Variants in PCDH11X observed in about 807,000 individuals in gnomAD.
PCDH11X encodes protocadherin-11 X-linked.
A neutral mutation model predicts 53.3 loss-of-function variants in PCDH11X; 18 were observed. That is an observed-to-expected ratio of 0.34 (90% CI 0.23 to 0.50). PCDH11X has a LOEUF of 0.50. Among genes scored for constraint, PCDH11X ranks in the 20% least tolerant of loss-of-function variants. The pLI, the probability that PCDH11X is intolerant of heterozygous loss-of-function variation, is 0.98. For missense variants in PCDH11X, 570 were observed against 1,032.4 expected (o/e 0.55, Z 6.14); for synonymous variants, 279 against 393.3 (o/e 0.71, Z 3.44).
chrX:92,113,260 A>G lies in PCDH11X; in HGVS notation c.3034-88115A>G, dbSNP rs751533221. The G allele has an allele frequency of 9.2e-6, 11 of 1,196,370 alleles. No individual in the cohort carries two copies. In the Admixed American group the frequency reaches 2.0e-4, roughly 22 times the overall value. The stretch of plus-strand genomic sequence containing the variant: ...CAGCCCCTCAGATGAGGTCAGCAAC[A>G]TTGGGGGCATTTCCTCAATGGAGGT... On this transcript the variant is annotated intron_variant, in intron 6 of 10. Coordinates refer to ENST00000682573, the MANE Select transcript of PCDH11X (RefSeq NM_032968.5).
At chrX:92,218,405 A>C (rs2066772234) in intron 7 of PCDH11X, among the ~76,000 whole-genome samples, 1 of 111,691 alleles carries the variant, frequency 9.0e-6, no homozygotes, top group Admixed American at 9.6e-5. Flanking sequence ...ACCATCAGAG[A>C]ATACTACAAA....
intron 10 of PCDH11X, among the ~76,000 whole-genome samples, chrX:92,520,337 A>G (rs111605418): frequency 0.14 from 14,505 of 105,806 alleles, 812 homozygotes; most frequent in Admixed American, 0.23. Context: ...ACCTTAGTTT[A>G]AAAATATTGC....
chrX:92,048,886 C>T (rs2063329724), intron 6 of PCDH11X, among the ~76,000 whole-genome samples: 1 of 112,254 alleles, frequency 8.9e-6, no homozygotes, highest in Admixed American at 9.5e-5. Flanking sequence ...CAATCAAATA[C>T]ATTTAAGAAA....
intron 5 of PCDH11X, among the ~76,000 whole-genome samples, chrX:91,846,453 T>C (rs896903924): frequency 9.1e-6 from 1 of 109,497 alleles, no homozygotes; most frequent in African/African-American, 3.3e-5. Context: ...AAGTCTCTAC[T>C]AAAAATACAA....
At chrX:92,189,766 GT>G (rs970223609) in intron 6 of PCDH11X, among the ~76,000 whole-genome samples, 10 of 111,736 alleles carry the variant, frequency 8.9e-5, no homozygotes, top group African/African-American at 3.3e-4. Flanking sequence ...TGTAACTGGC[GT>G]GACATGGTAT....
chrX:92,007,104 T>C (rs1220437913), intron 6 of PCDH11X, among the ~76,000 whole-genome samples: 1 of 110,877 alleles, frequency 9.0e-6, no homozygotes, highest in Non-Finnish European at 1.9e-5. Context: ...CTGTTACTAC[T>C]CCCTGGCTAC....
chrX:91,819,704 G>A (rs1332162884), intron 4 of PCDH11X, among the ~76,000 whole-genome samples: 1 of 100,155 alleles, frequency 1.0e-5, no homozygotes, highest in Admixed American at 1.1e-4. Flanking sequence ...AAGTTTTAGG[G>A]TACATGTGCA....
intron 10 of PCDH11X, among the ~76,000 whole-genome samples, chrX:92,616,823 G>A (rs1928021801): frequency 9.0e-6 from 1 of 110,620 alleles, no homozygotes; most frequent in Admixed American, 9.6e-5. Context: ...CGGATCAATT[G>A]TGGGACCACT....
chrX:92,415,415 G>T (rs778067791), intron 9 of PCDH11X, among the ~76,000 whole-genome samples: 1 of 111,735 alleles, frequency 8.9e-6, no homozygotes, highest in South Asian at 3.7e-4. Flanking sequence ...GACTAACAAA[G>T]AATGTAATTT....
intron 10 of PCDH11X, among the ~76,000 whole-genome samples, chrX:92,581,540 C>T (rs1218122825): frequency 2.7e-5 from 3 of 111,877 alleles, no homozygotes; most frequent in Non-Finnish European, 5.6e-5. Context: ...ATTGTGAGGC[C>T]TCCCCAGCCA....
intron 6 of PCDH11X, among the ~76,000 whole-genome samples, chrX:91,944,038 T>C (rs1171344862): frequency 2.4e-5 from 2 of 84,924 alleles, no homozygotes; most frequent in Non-Finnish European, 4.6e-5. Flanking sequence ...TGTGTGTGTG[T>C]GTGTGTGTGT....
intron 10 of PCDH11X, among the ~76,000 whole-genome samples, chrX:92,559,792 G>GTCAGAACTTGAGTTTCTCAGCA (rs1203377697): frequency 9.0e-6 from 1 of 110,919 alleles, no homozygotes; most frequent in African/African-American, 3.3e-5. Flanking sequence ...TGTTCTGGTG[G>GTCAGAACTTGAGTTTCTCAGCA]TCAGAACTTG....
chrX:92,010,288 G>T (rs954024532), intron 6 of PCDH11X, among the ~76,000 whole-genome samples: 2 of 109,284 alleles, frequency 1.8e-5, no homozygotes, highest in Non-Finnish European at 3.8e-5. Flanking sequence ...AAAATAGATA[G>T]CATCTAAGTT....
chrX:92,203,459 A>T (rs932706766), intron 7 of PCDH11X, among the ~76,000 whole-genome samples: 4 of 112,565 alleles, frequency 3.6e-5, no homozygotes, highest in Admixed American at 1.9e-4. Flanking sequence ...CCAACCCAGA[A>T]TTCTGTCCAA....
chrX:91,829,093 A>G (rs1467519953), intron 4 of PCDH11X, among the ~76,000 whole-genome samples: 2 of 110,814 alleles, frequency 1.8e-5, no homozygotes, highest in African/African-American at 3.3e-5. Flanking sequence ...TTGTGCAGAT[A>G]TTGCAATTAG....
intron 10 of PCDH11X, among the ~76,000 whole-genome samples, chrX:92,504,310 G>T (rs1437780954): frequency 7.6e-5 from 8 of 105,492 alleles, no homozygotes; most frequent in Non-Finnish European, 1.4e-4. Flanking sequence ...TCCCTTCTTT[G>T]TGTCCATGCA....
At chrX:92,081,160 T>C (rs748144340) in intron 6 of PCDH11X, among the ~76,000 whole-genome samples, 2 of 111,223 alleles carry the variant, frequency 1.8e-5, no homozygotes, top group African/African-American at 3.3e-5. Context: ...CCAGAGAGAG[T>C]TGGATCTTCT....
intron 6 of PCDH11X, among the ~76,000 whole-genome samples, chrX:91,907,299 T>G (rs1177047967): frequency 1.0e-5 from 1 of 98,704 alleles, no homozygotes; most frequent in African/African-American, 3.6e-5. Flanking sequence ...CTGAGTGGAT[T>G]CTAAATTTCT....
At chrX:92,587,141 T>G (rs1262519885) in intron 10 of PCDH11X, among the ~76,000 whole-genome samples, 1 of 110,292 alleles carries the variant, frequency 9.1e-6, no homozygotes, top group Non-Finnish European at 1.9e-5. Context: ...TCTTATTTCT[T>G]TTCATGAGAG....
Sources: allele counts gnomAD v4.1 joint callset (sites outside exome capture counted in the v4.1 genomes callset), GRCh38; gene constraint gnomAD v4.1.1; transcripts MANE v1.5; gene names NCBI Gene and HGNC (gene_info 2026-07-23, HGNC 2026-07-21).